Variants in DDX27 observed in about 807,000 individuals in gnomAD.
The protein encoded by DDX27 is DEAD-box helicase 27.
A neutral mutation model predicts 99.3 loss-of-function variants in DDX27; 42 were observed. The ratio of observed to expected loss-of-function variants is 0.42; its 90% CI spans 0.33 to 0.55. The LOEUF (loss-of-function observed/expected upper bound fraction) is 0.55. Among genes scored for constraint, DDX27 ranks in the 20% least tolerant of loss-of-function variants. The pLI is 0.07. For synonymous variants in DDX27, 329 were observed against 353.8 expected (o/e 0.93, Z 0.79); for missense variants, 798 against 976.8 (o/e 0.82, Z 2.44).
intron 19 of DDX27, 43 bp from the exon 20 acceptor site, chr20:49,243,586 G>T (rs746378435): frequency 1.0e-5 from 16 of 1,587,696 alleles, no homozygotes; most frequent in African/African-American, 1.3e-5. Flanking sequence ...ACACCCATTT[G>T]TTCAACAGTT....
At position 49,226,610 on chromosome 20, in the gene DDX27, G is replaced by C. The variant is rs1423994275; in HGVS notation, c.706+75G>C. The C allele has an allele frequency of 3.2e-6, 3 of 944,472 alleles. No homozygotes were observed. The African/African-American group carries it at 5.0e-5, about 16-fold the overall frequency. 58.5% of individuals were successfully genotyped at this position (944,472 alleles called of 1,614,324 possible). On this transcript the variant is annotated intron_variant, in intron 7 of 20. Coordinates refer to ENST00000618172, the MANE Select transcript of DDX27 (RefSeq NM_017895.8). ...CTGGGCTCTAGGTTGACTTACCAAA[G>C]GCTGGTTTGCTAAATAAATATTCTT... is the stretch of plus-strand genomic sequence containing the variant.
intron 11 of DDX27, 126 bp downstream of exon 11, chr20:49,233,835 C>T (rs1246329555): frequency 4.7e-6 from 5 of 1,060,992 alleles, no homozygotes; most frequent in Non-Finnish European, 6.8e-6. Flanking sequence ...GCAGAGGCTG[C>T]ACTGCACTAA....
At chr20:49,239,756 T>TA (rs1980418168) in intron 16 of DDX27, among the ~76,000 whole-genome samples, 1 of 152,186 alleles carries the variant, frequency 6.6e-6, no homozygotes, top group Admixed American at 6.6e-5. Flanking sequence ...CTCAAACAGA[T>TA]ACTTAGATGC....
At chr20:49,226,265 G>A (rs1385223443) in intron 6 of DDX27, among the ~76,000 whole-genome samples, 165 bp from the exon 7 acceptor site, 1 of 152,190 alleles carries the variant, frequency 6.6e-6, no homozygotes, top group Non-Finnish European at 1.5e-5. Context: ...TGTCCTCAGT[G>A]TCTAGAGCAC....
At chr20:49,228,990 A>T in intron 8 of DDX27, 102 bp downstream of exon 8, 5 of 988,448 alleles carry the variant, frequency 5.1e-6, no homozygotes, top group Non-Finnish European at 6.9e-6. Context: ...GTGCCAGGAG[A>T]GGCCTTTGTG....
chr20:49,221,634 G>T (rs1390031965), intron 2 of DDX27, 36 bp downstream of exon 2: 2 of 1,545,296 alleles, frequency 1.3e-6, no homozygotes, highest in Non-Finnish European at 8.7e-7. Context: ...CCAGACTTTG[G>T]GCTATTAAGA....
chr20:49,233,957 T>G, intron 11 of DDX27: 1 of 480,938 alleles, frequency 2.1e-6, no homozygotes, highest in Non-Finnish European at 3.8e-6. Context: ...CAGCTGCTGT[T>G]GTACCCGTCA....
At chr20:49,235,125 C>G in intron 12 of DDX27, 37 bp downstream of exon 12, 1 of 1,551,972 alleles carries the variant, frequency 6.4e-7, no homozygotes, top group Non-Finnish European at 8.7e-7. Context: ...TCCCACCATC[C>G]TTCTGGGGCA....
At chr20:49,223,116 C>CAGTAA in intron 3 of DDX27, 100 bp downstream of exon 3, 1 of 1,392,528 alleles carries the variant, frequency 7.2e-7, no homozygotes, top group Non-Finnish European at 1.0e-6. Flanking sequence ...CGGGGCATGG[C>CAGTAA]TGGGGCAGGC....
In DDX27 at chr20:49,230,352, G is replaced by A; in HGVS notation, c.1031+3G>A. On this transcript the variant is annotated splice_donor_region_variant and intron_variant, in intron 9 of 20. Transcript: ENST00000618172. ...CTCATCCTGGACGAGGCTGACAGGT[G>A]CTCCTCACAGCCTGGGGCCCAGGGC... 1 of 1,604,064 alleles carries A rather than the reference G, an allele frequency of 6.2e-7. No individual in the cohort carries two copies. Among genetic ancestry groups the A allele is most frequent in the African/African-American group, 1.3e-5 (1 of 74,982 alleles).
rs769640762 is a variant in DDX27, at chr20:49,241,905, T to G, written c.1910T>G (p.Leu637Arg). ...ERKKEKIAKA[L>R]QEFDLALRGK... ...CTTCTCATCCCAGTTGCCAAAGCTCTGCAGGAATTTGACTTGGCCTTAAGA... is the reference window on the plus strand; with the variant it reads ...CTTCTCATCCCAGTTGCCAAAGCTCGGCAGGAATTTGACTTGGCCTTAAGA... The change falls in exon 17 of 21, where the codon CTG becomes CGG. Residue 637 changes from leucine (L) to arginine (R), a missense_variant. Physicochemically the swap from Leu to Arg is moderately radical, Grantham distance 102. This residue lies in a region of DDX27 where 553 missense variants were observed against 727.9 expected (regional missense o/e 0.76). Coordinates refer to ENST00000618172, the MANE Select transcript of DDX27 (RefSeq NM_017895.8). 1 of 1,614,120 alleles carries G rather than the reference T, an allele frequency of 6.2e-7. No homozygotes were observed. The highest frequency in any genetic ancestry group is 8.5e-7 in the Non-Finnish European group (1 of 1,180,036).
intron 16 of DDX27, among the ~76,000 whole-genome samples, 185 bp downstream of exon 16, chr20:49,239,523 T>C (rs2146720098): frequency 6.6e-6 from 1 of 152,098 alleles, no homozygotes; most frequent in Middle Eastern, 3.4e-3. Flanking sequence ...TCATAAGGAG[T>C]GCACACCCTA....
intron 8 of DDX27, 47 bp from the exon 9 acceptor site, chr20:49,230,152 A>G (rs1980049364): frequency 1.1e-5 from 18 of 1,570,422 alleles, no homozygotes; most frequent in South Asian, 4.8e-5. Flanking sequence ...GTCAACACCC[A>G]TGAGCAGCTG....
intron 6 of DDX27, among the ~76,000 whole-genome samples, chr20:49,225,714 C>G (rs1046902172): frequency 6.6e-6 from 1 of 152,136 alleles, no homozygotes; most frequent in African/African-American, 2.4e-5. Flanking sequence ...CTCAGCCTCC[C>G]AAAGTGCTGG....
chr20:49,237,700 G>A (rs532867699), intron 14 of DDX27, among the ~76,000 whole-genome samples: 28 of 152,322 alleles, frequency 1.8e-4, no homozygotes, highest in African/African-American at 5.5e-4. Context: ...CTGCACAGCT[G>A]GCATTGGAGC....
chr20:49,222,055 A>G (rs1163094664), intron 2 of DDX27, among the ~76,000 whole-genome samples: 1 of 152,172 alleles, frequency 6.6e-6, no homozygotes, highest in Non-Finnish European at 1.5e-5. Context: ...CATGTCTTCA[A>G]AGAGAAATAT....
chr20:49,230,461 TG>T, intron 9 of DDX27, 112 bp downstream of exon 9: 1 of 1,289,522 alleles, frequency 7.8e-7, no homozygotes. Flanking sequence ...TGGCTGTTGG[TG>T]TGCGATACCA....
intron 8 of DDX27, 141 bp downstream of exon 8, chr20:49,229,029 ACTT>A: frequency 2.6e-5 from 14 of 535,128 alleles, no homozygotes; most frequent in Admixed American, 5.4e-5. Context: ...AAACTGGAAG[ACTT>A]TTTTTTTTTT....
chr20:49,220,568 G>A lies in DDX27; in HGVS notation c.94-884G>A, dbSNP rs192266881. On this transcript the variant is annotated intron_variant, in intron 1 of 20. Transcript: ENST00000618172. ...ACCTTGCAAAGACTCCTCAGGCAGC[G>A]TCTGGGTCCCGTACACTGTCGCCAT... Among the ~76,000 whole-genome samples the A allele has an allele frequency of 2.6e-4, 39 of 151,632 alleles. 1 individual carries two copies. The South Asian group carries it at 7.1e-3, about 28-fold the overall frequency.
Sources: allele counts gnomAD v4.1 joint callset (sites outside exome capture counted in the v4.1 genomes callset), GRCh38; gene constraint gnomAD v4.1.1; regional missense constraint gnomAD v4.1.1; transcripts MANE v1.5; gene names NCBI Gene and HGNC (gene_info 2026-07-23, HGNC 2026-07-21).